SLC22A23: variants seen among roughly 807,000 people sequenced by gnomAD.
SLC22A23 encodes the protein solute carrier family 22 member 23.
In SLC22A23, 26 loss-of-function variants were observed where a neutral mutation model predicts 61.0. The ratio of observed to expected loss-of-function variants is 0.43; its 90% CI spans 0.31 to 0.59. SLC22A23 has a LOEUF of 0.59. Among genes scored for constraint, SLC22A23 ranks in the 20% least tolerant of loss-of-function variants. The pLI, the probability that SLC22A23 is intolerant of heterozygous loss-of-function variation, is 0.11. For synonymous variants in SLC22A23, 430 were observed against 413.9 expected (o/e 1.04, Z -0.47); for missense variants, 796 against 934.7 (o/e 0.85, Z 1.94).
intron 8 of SLC22A23, 128 bp from the exon 9 acceptor site, chr6:3,284,103 T>A: frequency 1.1e-6 from 1 of 934,484 alleles, no homozygotes; most frequent in Non-Finnish European, 1.6e-6. Flanking sequence ...GGTATGCAAT[T>A]CCCTCTGGGG....
rs199771609 is a variant in SLC22A23, at chr6:3,433,102, T to TA, written c.655-17248dup. The stretch of plus-strand genomic sequence containing the variant: ...AGGTCATTCTTACAAAAAGGGAGGA[T>TA]AAATAGGTCTTCATCAAACGCTCAC... On this transcript the variant is annotated intron_variant, in intron 1 of 9. Coordinates refer to ENST00000406686, the MANE Select transcript of SLC22A23 (RefSeq NM_015482.2). 5.5e-3 allele frequency among the ~76,000 whole-genome samples: 841 copies of TA among 152,256 alleles called. 6 individuals carry two copies. The highest frequency in any genetic ancestry group is 0.019 in the African/African-American group (792 of 41,552).
intron 3 of SLC22A23, among the ~76,000 whole-genome samples, chr6:3,368,602 G>A (rs1765993509): frequency 6.6e-6 from 1 of 152,112 alleles, no homozygotes; most frequent in Non-Finnish European, 1.5e-5. Context: ...AAAAAGTTAA[G>A]GATGGGCAAT....
At chr6:3,336,273 G>A (rs1245171367) in intron 3 of SLC22A23, among the ~76,000 whole-genome samples, 1 of 152,190 alleles carries the variant, frequency 6.6e-6, no homozygotes, top group Non-Finnish European at 1.5e-5. Context: ...CGGGAAGGAG[G>A]AGACAGCACC....
chr6:3,380,088 A>G (rs1406358200), intron 3 of SLC22A23, among the ~76,000 whole-genome samples: 1 of 152,120 alleles, frequency 6.6e-6, no homozygotes, highest in African/African-American at 2.4e-5. Flanking sequence ...ATCCCAAACA[A>G]TCTCTGTTAA....
intron 4 of SLC22A23, among the ~76,000 whole-genome samples, chr6:3,321,153 CAT>C (rs1762923985): frequency 6.6e-6 from 1 of 152,212 alleles, no homozygotes; most frequent in South Asian, 2.1e-4. Flanking sequence ...CCCCTCCATG[CAT>C]ATGTTTTCCG....
chr6:3,269,649 A>G lies in SLC22A23; in HGVS notation c.*3406T>C, dbSNP rs867735460. 21 of 66,160 alleles carry G rather than the reference A, an allele frequency of 3.2e-4. No individual in the cohort carries two copies. Among genetic ancestry groups the G allele is most frequent in the African/African-American group, 1.3e-3 (21 of 16,126 alleles). 4.1% of individuals were successfully genotyped at this position (66,160 alleles called of 1,614,324 possible). A position where few individuals can be genotyped will look rare whatever the true frequency, so the allele number is the denominator to read the frequency against. ...TACAGAAACACAGTTTTTATATTAC[A>G]ACCTCAAGGACAGGGAGGGAAGTGT... On this transcript the variant is annotated 3_prime_UTR_variant, in exon 10 of 10. Transcript: ENST00000406686.
At position 3,273,866 on chromosome 6, in the gene SLC22A23, C is replaced by T. The variant is rs1252251797; in HGVS notation, c.1704-454G>A. Among the ~76,000 whole-genome samples the T allele has an allele frequency of 2.0e-5, 3 of 152,180 alleles. No homozygotes were observed. The South Asian group carries it at 6.2e-4, about 32-fold the overall frequency. On this transcript the variant is annotated intron_variant, in intron 9 of 9. Coordinates refer to ENST00000406686, the MANE Select transcript of SLC22A23 (RefSeq NM_015482.2). ...GGTTAAAGAGGGTACTAAGGACATA[C>T]CAACACGAACAGAGACTTTCTCTTT...
At chr6:3,412,464 C>G (rs967703808) in intron 2 of SLC22A23, among the ~76,000 whole-genome samples, 1 of 152,174 alleles carries the variant, frequency 6.6e-6, no homozygotes, top group African/African-American at 2.4e-5. Context: ...AATGCTTCAG[C>G]AAGCGTTCAA....
At position 3,309,675 on chromosome 6, in the gene SLC22A23, GT is replaced by G. The variant is rs1489213844; in HGVS notation, c.1083-11458del. 5.3e-5 allele frequency among the ~76,000 whole-genome samples: 8 copies of G among 152,208 alleles called. No homozygotes were observed. The highest frequency in any genetic ancestry group is 1.7e-4 in the African/African-American group (7 of 41,456). On this transcript the variant is annotated intron_variant, in intron 4 of 9. Transcript: ENST00000406686. The surrounding 1 kb of genome is among the most constrained non-coding windows in gnomAD (Gnocchi z 4.7). Reference sequence around the variant, plus strand: ...CACAGGCGTTCCAGCCTCCTTGGTGGTACAGGAGCTTCACACACACATGCTT... The same window carrying G: ...CACAGGCGTTCCAGCCTCCTTGGTGGACAGGAGCTTCACACACACATGCTT...
intron 3 of SLC22A23, among the ~76,000 whole-genome samples, chr6:3,334,759 A>G (rs376968078): frequency 6.6e-6 from 1 of 152,176 alleles, no homozygotes; most frequent in African/African-American, 2.4e-5. Flanking sequence ...TTTAAATTCA[A>G]TTAGAAAACA....
chr6:3,423,118 G>C (rs1045465088), intron 1 of SLC22A23, among the ~76,000 whole-genome samples: 1 of 151,814 alleles, frequency 6.6e-6, no homozygotes, highest in African/African-American at 2.4e-5. Context: ...CGGTGGGAGA[G>C]AAATAGAAAC....
At chr6:3,418,023 G>T (rs573012392) in intron 1 of SLC22A23, among the ~76,000 whole-genome samples, 7 of 152,332 alleles carry the variant, frequency 4.6e-5, no homozygotes, top group Non-Finnish European at 1.0e-4. Context: ...GCCTTAAAAC[G>T]TGAGTGACAG....
intron 1 of SLC22A23, chr6:3,439,424 C>A: frequency 5.2e-6 from 2 of 384,430 alleles, no homozygotes; most frequent in Non-Finnish European, 1.0e-5. Flanking sequence ...AAGATGGGCC[C>A]GTTCCACGTG....
intron 5 of SLC22A23, among the ~76,000 whole-genome samples, chr6:3,294,421 T>A (rs2127346634): frequency 6.6e-6 from 1 of 152,336 alleles, no homozygotes; most frequent in Non-Finnish European, 1.5e-5. Flanking sequence ...GATTTGGGAT[T>A]TTTGGATTTG....
chr6:3,356,218 G>A (rs368301290), intron 3 of SLC22A23, among the ~76,000 whole-genome samples: 4 of 149,326 alleles, frequency 2.7e-5, no homozygotes, highest in African/African-American at 7.4e-5. Context: ...CGAAGCACGC[G>A]TGCTCTCTCG....
chr6:3,419,641 T>C (rs1341593102), intron 1 of SLC22A23, among the ~76,000 whole-genome samples: 1 of 152,130 alleles, frequency 6.6e-6, no homozygotes, highest in Non-Finnish European at 1.5e-5. Context: ...GAACCAGTGG[T>C]TGGGACAGTG....
In SLC22A23 at chr6:3,289,860, T is replaced by G. The variant is rs1760407646; in HGVS notation, c.1217A>C (p.Glu406Ala). The G allele has an allele frequency of 6.2e-7, 1 of 1,613,528 alleles. No individual in the cohort carries two copies. Among genetic ancestry groups the G allele is most frequent in the African/African-American group, 1.3e-5 (1 of 74,810 alleles). The change falls in exon 6 of 10, where the codon GAG becomes GCG. Residue 406 changes from glutamate to alanine, a missense_variant. By Grantham distance (107) the Glu-to-Ala change is moderately radical. Coordinates refer to ENST00000406686, the MANE Select transcript of SLC22A23 (RefSeq NM_015482.2). Reference sequence around the variant, plus strand: ...CTTGGGCCTCCGGGAAAGCTCTTTCTCCAGCTCTGCAAAGAAACAGACCCT... The same window carrying G: ...CTTGGGCCTCCGGGAAAGCTCTTTCGCCAGCTCTGCAAAGAAACAGACCCT... ...GDIKGVIPEL[E>A]KELSRRPKKV...
chr6:3,309,053 G>A lies in SLC22A23; in HGVS notation c.1083-10835C>T, dbSNP rs1025595866. On this transcript the variant is annotated intron_variant, in intron 4 of 9. Coordinates refer to ENST00000406686, the MANE Select transcript of SLC22A23 (RefSeq NM_015482.2). This position sits in a 1 kb window ranked among gnomAD's most constrained non-coding sequence, Gnocchi z 4.7. ...TCTTAAAAAGAGCCGAGGGCTGGGCGCTTTGGGAGGCTGAGGTGGGTGGAT... is the reference window on the plus strand; with the variant it reads ...TCTTAAAAAGAGCCGAGGGCTGGGCACTTTGGGAGGCTGAGGTGGGTGGAT... Among the ~76,000 whole-genome samples, 3 of 151,600 alleles carry A rather than the reference G, an allele frequency of 2.0e-5. No homozygotes were observed. The highest frequency in any genetic ancestry group is 4.9e-5 in the African/African-American group (2 of 41,226).
At chr6:3,398,454 ATTT>A (rs1219591163) in intron 3 of SLC22A23, among the ~76,000 whole-genome samples, 8 of 127,220 alleles carry the variant, frequency 6.3e-5, no homozygotes, top group South Asian at 2.6e-4. Context: ...ACAAAGCACT[ATTT>A]TTTTTTTTTT....
Sources: gnomAD v4.1 joint callset for allele counts (sites outside exome capture counted in the v4.1 genomes callset) on GRCh38, gnomAD v4.1.1 for gene constraint, Gnocchi (gnomAD v3.1) non-coding constraint, MANE v1.5 for transcripts, NCBI Gene and HGNC (gene_info 2026-07-23, HGNC 2026-07-21) for gene names.